ZNF778: variants seen among roughly 807,000 people sequenced by gnomAD.
ZNF778 encodes zinc finger protein 778.
Under a neutral mutation model 23.9 loss-of-function variants are expected in ZNF778, and 37 were observed. The ratio of observed to expected loss-of-function variants is 1.54; its 90% CI spans 1.19 to 2.03. The LOEUF (loss-of-function observed/expected upper bound fraction) is 2.03. ZNF778 is among the 30% of genes most tolerant of loss of function. The pLI is 0.00. For missense variants in ZNF778, 1,297 were observed against 934.4 expected, an observed-to-expected ratio of 1.39 and a Z score of -5.06; for synonymous variants, 483 against 343.9, an observed-to-expected ratio of 1.40 and a Z score of -4.48.
Position 89,228,684 on chromosome 16 carries a change from C to G in ZNF778, c.*122C>G. On this transcript the variant is annotated 3_prime_UTR_variant, in exon 7 of 7. Transcript: ENST00000433976. ...CTAGGCAATCAGCATCTCATCACAA[C>G]CCGGCAGGCAGGAACTCACCCTGGA... is the stretch of plus-strand genomic sequence containing the variant. 1 of 1,481,458 alleles carries G rather than the reference C, an allele frequency of 6.8e-7. No individual in the cohort carries two copies. The highest frequency in any genetic ancestry group is 8.9e-7 in the Non-Finnish European group (1 of 1,121,248). The allele number at this position is 1,481,458 out of a possible 1,614,324, so 91.8% of individuals were successfully genotyped here.
chr16:89,233,686 A>C lies in ZNF778; in HGVS notation c.*5124A>C. ...CAACTCGCACTGCGTATGCAAATCAACTTACTGCATATGCAACTCAACTCA... is the reference window on the plus strand; with the variant it reads ...CAACTCGCACTGCGTATGCAAATCACCTTACTGCATATGCAACTCAACTCA... On this transcript the variant is annotated 3_prime_UTR_variant, in exon 7 of 7. Transcript: ENST00000433976. 7.8e-7 allele frequency: 1 copy of C among 1,277,982 alleles called. No individual in the cohort carries two copies. The highest frequency in any genetic ancestry group is 1.0e-6 in the Non-Finnish European group (1 of 986,986). The allele number at this position is 1,277,982 out of a possible 1,614,324, so 79.2% of individuals were successfully genotyped here.
rs913938038 is a variant in ZNF778, at chr16:89,229,727, G to C, written c.*1165G>C. On this transcript the variant is annotated 3_prime_UTR_variant, in exon 7 of 7. Coordinates refer to ENST00000433976, the MANE Select transcript of ZNF778 (RefSeq NM_001201407.2). Reference sequence around the variant, plus strand: ...GTCTTGAGGATCCAGATGTGATCCTGTGTGAGCAGCGTAGGCTCTGGTTGG... The same window carrying C: ...GTCTTGAGGATCCAGATGTGATCCTCTGTGAGCAGCGTAGGCTCTGGTTGG... The C allele has an allele frequency of 8.2e-6, 8 of 981,302 alleles. No homozygotes were observed. The African/African-American group carries it at 1.1e-4, about 13-fold the overall frequency. The allele number at this position is 981,302 out of a possible 1,614,324, so 60.8% of individuals were successfully genotyped here.
intron 4 of ZNF778, among the ~76,000 whole-genome samples, chr16:89,224,477 G>C (rs2031281297): frequency 6.6e-6 from 1 of 152,292 alleles, no homozygotes; most frequent in South Asian, 2.1e-4. Flanking sequence ...AAACTAGCCA[G>C]GCGTGGTGGC....
In ZNF778 at chr16:89,225,649, G is replaced by A. The variant is rs763837299; in HGVS notation, c.405+18G>A. 9 of 1,601,740 alleles carry A rather than the reference G, an allele frequency of 5.6e-6. No homozygotes were observed. The highest frequency in any genetic ancestry group is 7.7e-6 in the Non-Finnish European group (9 of 1,171,802). ...CACAGACGGTAAGATTAACAAGAGA[G>A]ATTTTTTTATTTATCACACTCATAA... On this transcript the variant is annotated intron_variant, in intron 6 of 6. Transcript: ENST00000433976.
chr16:89,236,619 A>G lies in ZNF778; in HGVS notation c.*8057A>G, dbSNP rs917290750. 4.6e-5 allele frequency: 7 copies of G among 152,210 alleles called. No homozygotes were observed. The highest frequency in any genetic ancestry group is 1.7e-4 in the African/African-American group (7 of 41,450). 9.4% of individuals were successfully genotyped at this position (152,210 alleles called of 1,614,324 possible). A position where few individuals can be genotyped will look rare whatever the true frequency, so the allele number is the denominator to read the frequency against. ...TATTGTCAAAAGCAAAAATTATCAC[A>G]TGGGGTTTCAACTGATGTATATTTA... On this transcript the variant is annotated 3_prime_UTR_variant, in exon 7 of 7. Coordinates refer to ENST00000433976, the MANE Select transcript of ZNF778 (RefSeq NM_001201407.2).
chr16:89,227,864 A>G lies in ZNF778; in HGVS notation c.1576A>G (p.Thr526Ala). The change falls in exon 7 of 7, where the codon ACA becomes GCA. Residue 526 changes from threonine (T) to alanine (A), a missense_variant. Thr to Ala is a moderately conservative substitution (Grantham distance 58, BLOSUM62 0). Coordinates refer to ENST00000433976, the MANE Select transcript of ZNF778 (RefSeq NM_001201407.2). ...GRSGLTKHMR[T>A]HTGEKPYECK... ...CTCAGGCCTCACTAAACACATGCGG[A>G]CACACACCGGGGAGAAGCCCTATGA... 3 of 1,614,156 alleles carry G rather than the reference A, an allele frequency of 1.9e-6. No homozygotes were observed. The highest frequency in any genetic ancestry group is 2.5e-6 in the Non-Finnish European group (3 of 1,180,014).
rs376689299 is a variant in ZNF778, at chr16:89,227,606, G to A, written c.1318G>A (p.Val440Ile). The A allele has an allele frequency of 2.9e-5, 47 of 1,613,982 alleles. No homozygotes were observed. Among genetic ancestry groups the A allele is most frequent in the Admixed American group, 1.7e-4 (10 of 59,992 alleles). ...FTVRCGLTRH[V>I]RTHTGEKPYT... is the part of the protein sequence containing the mutation. ...TGTGCGCTGTGGCCTTACTAGACAC[G>A]TACGAACACACACGGGCGAGAAGCC... Residue 440 changes from valine to isoleucine, a missense_variant, in exon 7 of 7, where the codon GTA becomes ATA. Transcript: ENST00000433976.
rs1297312032 is a variant in ZNF778 at position 89,232,321 on chromosome 16, C to G, written c.*3759C>G. 4.1e-6 allele frequency: 1 copy of G among 244,160 alleles called. No individual in the cohort carries two copies. The highest frequency in any genetic ancestry group is 2.3e-5 in the African/African-American group (1 of 44,440). 15.1% of individuals were successfully genotyped at this position (244,160 alleles called of 1,614,324 possible). A position where few individuals can be genotyped will look rare whatever the true frequency, so the allele number is the denominator to read the frequency against. ...GTTTGACACAGCAAATAGTCCTCAC[C>G]AGAAGCAGGTCAGATGCCAGTGCTA... On this transcript the variant is annotated 3_prime_UTR_variant, in exon 7 of 7. Coordinates refer to ENST00000433976, the MANE Select transcript of ZNF778 (RefSeq NM_001201407.2).
At position 89,228,760 on chromosome 16, in the gene ZNF778, C is replaced by G. The variant is rs58617581; in HGVS notation, c.*198C>G. Reference sequence around the variant, plus strand: ...GCCCTCAGTGTTCTCTAAGGTCTTGCTGAATATGGATGGTATCCAGTAGAG... The same window carrying G: ...GCCCTCAGTGTTCTCTAAGGTCTTGGTGAATATGGATGGTATCCAGTAGAG... On this transcript the variant is annotated 3_prime_UTR_variant, in exon 7 of 7. Transcript: ENST00000433976. The G allele has an allele frequency of 4.3e-6, 6 of 1,386,550 alleles. No individual in the cohort carries two copies. The highest frequency in any genetic ancestry group is 4.7e-6 in the Non-Finnish European group (5 of 1,074,960). 85.9% of individuals were successfully genotyped at this position (1,386,550 alleles called of 1,614,324 possible). A position where few individuals can be genotyped will look rare whatever the true frequency, so the allele number is the denominator to read the frequency against.
rs1432646237 is a variant in ZNF778, at chr16:89,235,114, G to A, written c.*6552G>A. 6.6e-6 allele frequency: 1 copy of A among 151,734 alleles called. No individual in the cohort carries two copies. The highest frequency in any genetic ancestry group is 2.4e-5 in the African/African-American group (1 of 41,246). The allele number at this position is 151,734 out of a possible 1,614,324, so 9.4% of individuals were successfully genotyped here. On this transcript the variant is annotated 3_prime_UTR_variant, in exon 7 of 7. Transcript: ENST00000433976. ...GTTGACCGTATCTGTAGAGTGTAAT[G>A]TCATTTTTCCCACTATGGACATAAA... is the stretch of plus-strand genomic sequence containing the variant.
Position 89,227,382 on chromosome 16 carries a change from A to T in ZNF778, c.1094A>T (p.Tyr365Phe), listed in dbSNP as rs368882498. 21 of 1,613,892 alleles carry T rather than the reference A, an allele frequency of 1.3e-5. No individual in the cohort carries two copies. Among genetic ancestry groups the T allele is most frequent in the Non-Finnish European group, 1.6e-5 (19 of 1,179,876 alleles). The change falls in exon 7 of 7, where the codon TAT (tyrosine) becomes TTT (phenylalanine). Residue 365 changes from tyrosine (Y) to phenylalanine (F), a missense_variant. Coordinates refer to ENST00000433976, the MANE Select transcript of ZNF778 (RefSeq NM_001201407.2). ...CAAACAGACCCTGGACAGAAGCCCT[A>T]TGAATGTAAGGACTGTGGGAAAGCC... ...HVQTDPGQKP[Y>F]ECKDCGKACG... is the part of the protein sequence containing the mutation.
rs778451993 is a variant in ZNF778, at chr16:89,228,715, A to G, written c.*153A>G. On this transcript the variant is annotated 3_prime_UTR_variant, in exon 7 of 7. Transcript: ENST00000433976. The stretch of plus-strand genomic sequence containing the variant: ...AGGCAGGAACTCACCCTGGAGCCCT[A>G]TGCAGCAGACACAGAGAAAGCCCTC... 5.8e-4 allele frequency: 837 copies of G among 1,440,240 alleles called. No homozygotes were observed. Among genetic ancestry groups the G allele is most frequent in the Non-Finnish European group, 7.3e-4 (802 of 1,101,358 alleles). 89.2% of individuals were successfully genotyped at this position (1,440,240 alleles called of 1,614,324 possible).
Position 89,229,394 on chromosome 16 carries a change from G to A in ZNF778, c.*832G>A, listed in dbSNP as rs2031782073. 3 of 984,322 alleles carry A rather than the reference G, an allele frequency of 3.0e-6. No homozygotes were observed. The highest frequency in any genetic ancestry group is 9.4e-5 in the South Asian group (2 of 21,218). 61.0% of individuals were successfully genotyped at this position (984,322 alleles called of 1,614,324 possible). A position where few individuals can be genotyped will look rare whatever the true frequency, so the allele number is the denominator to read the frequency against. On this transcript the variant is annotated 3_prime_UTR_variant, in exon 7 of 7. Transcript: ENST00000433976. ...TAGGCTCTGGTTGGTTAGTCTTGAG[G>A]ATCCAGATGTGATTCTGTGAGCAGT...
chr16:89,218,473 C>G lies in ZNF778; in HGVS notation c.-132+563C>G, dbSNP rs960819500. Among the ~76,000 whole-genome samples, 43 of 152,216 alleles carry G rather than the reference C, an allele frequency of 2.8e-4. 1 individual carries two copies. The highest frequency in any genetic ancestry group is 2.8e-3 in the Admixed American group (43 of 15,280). On this transcript the variant is annotated intron_variant, in intron 1 of 6. Coordinates refer to ENST00000433976, the MANE Select transcript of ZNF778 (RefSeq NM_001201407.2). ...GGTAAGGACATTATCCTACTGAAACCACAATATTAGTATTTCATCTAAGAA... is the reference window on the plus strand; with the variant it reads ...GGTAAGGACATTATCCTACTGAAACGACAATATTAGTATTTCATCTAAGAA...
chr16:89,218,100 G>C (rs2030527296), intron 1 of ZNF778, 190 bp downstream of exon 1: 1 of 152,244 alleles, frequency 6.6e-6, no homozygotes, highest in African/African-American at 2.4e-5. Context: ...GCGGGAGCGC[G>C]CGTCCCTCGC....
chr16:89,222,362 CA>C (rs1014811504), intron 3 of ZNF778, among the ~76,000 whole-genome samples, 179 bp downstream of exon 3: 3 of 152,070 alleles, frequency 2.0e-5, no homozygotes, highest in African/African-American at 7.2e-5. Flanking sequence ...CCCCGTATTT[CA>C]GTGTTACTTT....
intron 6 of ZNF778, 104 bp from the exon 7 acceptor site, chr16:89,226,590 T>C (rs2031489232): frequency 3.8e-6 from 4 of 1,058,800 alleles, no homozygotes; most frequent in East Asian, 5.2e-5. Context: ...GTTATGAAAA[T>C]GGCAAAAATC....
Position 89,228,705 on chromosome 16 carries a change from C to T in ZNF778, c.*143C>T. The stretch of plus-strand genomic sequence containing the variant: ...ACAACCCGGCAGGCAGGAACTCACC[C>T]TGGAGCCCTATGCAGCAGACACAGA... On this transcript the variant is annotated 3_prime_UTR_variant, in exon 7 of 7. Coordinates refer to ENST00000433976, the MANE Select transcript of ZNF778 (RefSeq NM_001201407.2). 6.9e-7 allele frequency: 1 copy of T among 1,455,082 alleles called. No individual in the cohort carries two copies. The highest frequency in any genetic ancestry group is 1.4e-5 in the African/African-American group (1 of 70,296). 90.1% of individuals were successfully genotyped at this position (1,455,082 alleles called of 1,614,324 possible).
chr16:89,232,702 C>T lies in ZNF778; in HGVS notation c.*4140C>T, dbSNP rs529208690. ...TGGGGTCTTGCTGTGGGGGCTAGAC[C>T]GTCCCTCTCAGGCTAGATCATTCCT... is the stretch of plus-strand genomic sequence containing the variant. On this transcript the variant is annotated 3_prime_UTR_variant, in exon 7 of 7. Coordinates refer to ENST00000433976, the MANE Select transcript of ZNF778 (RefSeq NM_001201407.2). 66 of 1,264,176 alleles carry T rather than the reference C, an allele frequency of 5.2e-5. No individual in the cohort carries two copies. In the Middle Eastern group the frequency reaches 1.3e-3, roughly 25 times the overall value. 78.3% of individuals were successfully genotyped at this position (1,264,176 alleles called of 1,614,324 possible). A position where few individuals can be genotyped will look rare whatever the true frequency, so the allele number is the denominator to read the frequency against.
Sources: allele counts gnomAD v4.1 joint callset (sites outside exome capture counted in the v4.1 genomes callset), GRCh38; gene constraint gnomAD v4.1.1; transcripts MANE v1.5; gene names NCBI Gene and HGNC (gene_info 2026-07-23, HGNC 2026-07-21).